PRDM16: variants seen among roughly 807,000 people sequenced by gnomAD.
PRDM16 encodes histone-lysine N-methyltransferase PRDM16.
A neutral mutation model predicts 110.6 loss-of-function variants in PRDM16; 23 were observed. The observed-to-expected ratio is 0.21, with a 90% CI of 0.15 to 0.29. The LOEUF (loss-of-function observed/expected upper bound fraction) is 0.29, where lower values mean the gene tolerates loss of function less well. Ranked by LOEUF, PRDM16 falls within the 10% of genes least tolerant of loss-of-function variation. The pLI, the probability that PRDM16 is intolerant of heterozygous loss-of-function variation, is 1.00. For synonymous variants in PRDM16, 799 were observed against 781.8 expected (o/e 1.02, Z -0.37); for missense variants, 1,615 against 1,794.3 (o/e 0.90, Z 1.81).
chr1:3,377,859 C>T (rs928744407), intron 3 of PRDM16, among the ~76,000 whole-genome samples: 2 of 152,214 alleles, frequency 1.3e-5, no homozygotes, highest in Admixed American at 6.5e-5. Flanking sequence ...GGGTTGGTCA[C>T]TTGCATGCAT....
chr1:3,378,151 T>A (rs1643027908), intron 3 of PRDM16, among the ~76,000 whole-genome samples: 1 of 152,210 alleles, frequency 6.6e-6, no homozygotes, highest in Admixed American at 6.5e-5. Context: ...TGTGTTCAGG[T>A]GCACATGGCT....
chr1:3,235,437 C>T lies in PRDM16; in HGVS notation c.388-8650C>T, dbSNP rs1445128687. 4.6e-5 allele frequency among the ~76,000 whole-genome samples: 7 copies of T among 152,286 alleles called. No homozygotes were observed. The East Asian group carries it at 9.7e-4, about 21-fold the overall frequency. The stretch of plus-strand genomic sequence containing the variant: ...CCTTCCCCTGGGGACATCAATCTTC[C>T]GGAAGCAGAAGGAGGAAGGTGTCCA... On this transcript the variant is annotated intron_variant, in intron 2 of 16. Transcript: ENST00000270722.
chr1:3,342,410 G>T (rs755606463), intron 3 of PRDM16, among the ~76,000 whole-genome samples: 1 of 152,334 alleles, frequency 6.6e-6, no homozygotes, highest in South Asian at 2.1e-4. Flanking sequence ...CTGCCTGCAG[G>T]CAAGGCAGCT....
intron 2 of PRDM16, among the ~76,000 whole-genome samples, chr1:3,212,745 C>A (rs1431242312): frequency 6.7e-6 from 1 of 149,202 alleles, no homozygotes; most frequent in Non-Finnish European, 1.5e-5. Context: ...GAGGCCCCAT[C>A]CTCTTGGTTC....
intron 2 of PRDM16, among the ~76,000 whole-genome samples, chr1:3,240,120 A>G (rs1405541802): frequency 2.0e-5 from 3 of 150,646 alleles, no homozygotes; most frequent in Non-Finnish European, 1.5e-5. Context: ...AGAAGAGAAG[A>G]GAAGAAAGAA....
chr1:3,416,244 C>G (rs561022562), intron 10 of PRDM16, among the ~76,000 whole-genome samples: 2 of 152,240 alleles, frequency 1.3e-5, no homozygotes, highest in African/African-American at 2.4e-5. Flanking sequence ...GTAGAAAGCC[C>G]TCTGCTCCCT....
intron 8 of PRDM16, among the ~76,000 whole-genome samples, chr1:3,408,724 G>C (rs1277869833): frequency 6.6e-6 from 1 of 151,202 alleles, no homozygotes; most frequent in East Asian, 2.0e-4. Flanking sequence ...GAGTGTGTGA[G>C]TGTGGGCGCG....
intron 3 of PRDM16, among the ~76,000 whole-genome samples, chr1:3,247,370 GC>G (rs1639811278): frequency 6.6e-6 from 1 of 152,254 alleles, no homozygotes; most frequent in Non-Finnish European, 1.5e-5. Context: ...TTCTGAAGAG[GC>G]TGGATGCAGG....
rs187233873 is a variant in PRDM16, at chr1:3,087,473, G to T, written c.37+18177G>T. ...TGTTCCTGCCTTGGGGTCAGGTTAG[G>T]TTAGGGTCCTTCCTTGTCTGTGGCG... On this transcript the variant is annotated intron_variant, in intron 1 of 16. Transcript: ENST00000270722. Among the ~76,000 whole-genome samples the T allele has an allele frequency of 2.0e-3, 304 of 152,328 alleles. 2 individuals carry two copies. Among genetic ancestry groups the T allele is most frequent in the Admixed American group, 3.5e-3 (53 of 15,308 alleles).
intron 2 of PRDM16, among the ~76,000 whole-genome samples, chr1:3,233,029 C>A (rs1047902837): frequency 3.0e-4 from 45 of 152,202 alleles, no homozygotes; most frequent in African/African-American, 1.0e-3. Flanking sequence ...ATTTCTATAA[C>A]TAAAAAGGGT....
chr1:3,367,893 C>A (rs895993443), intron 3 of PRDM16, among the ~76,000 whole-genome samples: 19 of 152,206 alleles, frequency 1.2e-4, no homozygotes, highest in Admixed American at 1.3e-4. Flanking sequence ...ATCAAACTAA[C>A]TCTTTGTACT....
chr1:3,252,307 G>T (rs931364173), intron 3 of PRDM16, among the ~76,000 whole-genome samples: 1 of 152,228 alleles, frequency 6.6e-6, no homozygotes, highest in African/African-American at 2.4e-5. Flanking sequence ...GCATTGGGGG[G>T]CTGGGCTCTG....
intron 3 of PRDM16, among the ~76,000 whole-genome samples, chr1:3,322,529 C>G (rs923033646): frequency 2.6e-5 from 4 of 152,150 alleles, no homozygotes; most frequent in Admixed American, 6.5e-5. Context: ...CACCCACCCC[C>G]ACTCTGAGGC....
chr1:3,300,316 T>G (rs1433471720), intron 3 of PRDM16, among the ~76,000 whole-genome samples: 9 of 124,038 alleles, frequency 7.3e-5, no homozygotes, highest in Non-Finnish European at 1.2e-4. Context: ...CTGCCCTTGT[T>G]GAAGATGCTA....
chr1:3,283,464 C>T (rs544485125), intron 3 of PRDM16, among the ~76,000 whole-genome samples: 1 of 152,200 alleles, frequency 6.6e-6, no homozygotes, highest in African/African-American at 2.4e-5. Context: ...CCCAACTCAC[C>T]CACTCCCCAG....
chr1:3,426,646 G>A (rs1557670494), intron 14 of PRDM16, among the ~76,000 whole-genome samples: 1 of 152,096 alleles, frequency 6.6e-6, no homozygotes, highest in African/African-American at 2.4e-5. Flanking sequence ...ACACATGCAC[G>A]CACACACATG....
chr1:3,244,220 T>C lies in PRDM16; in HGVS notation c.438+83T>C. Reference sequence around the variant, plus strand: ...GGGCGACCGCCATCCCAGCTGTCCCTGAGCTAACAAGCGTGTAGTCGGAAT... The same window carrying C: ...GGGCGACCGCCATCCCAGCTGTCCCCGAGCTAACAAGCGTGTAGTCGGAAT... On this transcript the variant is annotated intron_variant, in intron 3 of 16. Transcript: ENST00000270722. This position sits in a 1 kb window ranked among gnomAD's most constrained non-coding sequence, Gnocchi z 4.1. 2 of 1,288,936 alleles carry C rather than the reference T, an allele frequency of 1.6e-6. No individual in the cohort carries two copies. Among genetic ancestry groups the C allele is most frequent in the Non-Finnish European group, 2.2e-6 (2 of 891,122 alleles). 79.8% of individuals were successfully genotyped at this position (1,288,936 alleles called of 1,614,324 possible). A position where few individuals can be genotyped will look rare whatever the true frequency, so the allele number is the denominator to read the frequency against.
chr1:3,070,883 C>A (rs1193389261), intron 1 of PRDM16, among the ~76,000 whole-genome samples: 1 of 152,222 alleles, frequency 6.6e-6, no homozygotes, highest in African/African-American at 2.4e-5. Context: ...GCCCCCTTCC[C>A]GCCGCGCTCC....
intron 6 of PRDM16, among the ~76,000 whole-genome samples, chr1:3,404,189 A>G (rs955443209): frequency 6.6e-6 from 1 of 152,160 alleles, no homozygotes; most frequent in Non-Finnish European, 1.5e-5. Context: ...GTCCCCCAAG[A>G]GCAGGGAATT....
Sources: allele counts gnomAD v4.1 joint callset (sites outside exome capture counted in the v4.1 genomes callset), GRCh38; gene constraint gnomAD v4.1.1; non-coding constraint Gnocchi (gnomAD v3.1); transcripts MANE v1.5; gene names NCBI Gene and HGNC (gene_info 2026-07-23, HGNC 2026-07-21).